The following USP22 variants were observed in gnomAD, a reference collection of about 807,000 sequenced individuals.
USP22 encodes ubiquitin specific peptidase 22.
Under a neutral mutation model 68.1 loss-of-function variants are expected in USP22, and 22 were observed. The observed-to-expected ratio is 0.32, with a 90% CI of 0.23 to 0.46. The LOEUF is 0.46. Among genes scored for constraint, USP22 ranks in the 20% least tolerant of loss-of-function variants. The probability of loss-of-function intolerance (pLI) is 1.00; values close to 1 mark genes in which losing one functional copy is unlikely to be tolerated. For missense variants in USP22, 433 were observed against 695.8 expected, an observed-to-expected ratio of 0.62 and a Z score of 4.25; for synonymous variants, 279 against 274.2, an observed-to-expected ratio of 1.02 and a Z score of -0.17.
chr17:21,028,812 C>G (rs1231863011), intron 1 of USP22, 138 bp from the exon 2 acceptor site: 2 of 1,120,340 alleles, frequency 1.8e-6, no homozygotes, highest in Non-Finnish European at 2.5e-6. Context: ...GCTTACTACT[C>G]TAGAGGATCA....
At chr17:21,038,984 C>A (rs1374204966) in intron 1 of USP22, among the ~76,000 whole-genome samples, 1 of 151,948 alleles carries the variant, frequency 6.6e-6, no homozygotes, top group Non-Finnish European at 1.5e-5. Context: ...GACGGTCTCG[C>A]TCTGTCGCCC....
chr17:21,033,841 C>T (rs994422980), intron 1 of USP22, among the ~76,000 whole-genome samples: 2 of 151,834 alleles, frequency 1.3e-5, no homozygotes, highest in Admixed American at 6.6e-5. Context: ...CTCCGCCTCC[C>T]GGGTTCAAGT....
intron 2 of USP22, among the ~76,000 whole-genome samples, chr17:21,027,950 A>G (rs1448783282): frequency 6.6e-6 from 1 of 152,200 alleles, no homozygotes; most frequent in Non-Finnish European, 1.5e-5. Context: ...CCTGGGTGAC[A>G]GCGCGAGACT....
chr17:21,028,663 A>G lies in USP22; in HGVS notation c.183T>C (p.Cys61=). 1 of 1,613,852 alleles carries G rather than the reference A, an allele frequency of 6.2e-7. No homozygotes were observed. The highest frequency in any genetic ancestry group is 8.5e-7 in the Non-Finnish European group (1 of 1,179,962). The change falls in exon 2 of 13, where the codon TGT becomes TGC. Residue 61 remains cysteine (C), a synonymous_variant. Coordinates refer to ENST00000261497, the MANE Select transcript of USP22 (RefSeq NM_015276.2). The part of the protein sequence containing the change: ...AEARKRKAKS[C]ICHVCGVHLN... ...GGTGGACGCCACAGACATGGCAGAT[A>G]CAGGACTTGGCCTGAAATTCAGAGA...
Position 21,042,863 on chromosome 17 carries a change from G to A in USP22, c.-28C>T, listed in dbSNP as rs1345009371. The A allele has an allele frequency of 1.6e-6, 2 of 1,239,368 alleles. No homozygotes were observed. Among genetic ancestry groups the A allele is most frequent in the East Asian group, 3.2e-5 (1 of 30,866 alleles). 76.8% of individuals were successfully genotyped at this position (1,239,368 alleles called of 1,614,324 possible). A position where few individuals can be genotyped will look rare whatever the true frequency, so the allele number is the denominator to read the frequency against. On this transcript the variant is annotated 5_prime_UTR_variant, in exon 1 of 13. Transcript: ENST00000261497. ...GGGGCAAGGCCCGGCCGCGCGCGGGGGGCGGCGGCGAGGGAGGCGAGGACG... is the reference window on the plus strand; with the variant it reads ...GGGGCAAGGCCCGGCCGCGCGCGGGAGGCGGCGGCGAGGGAGGCGAGGACG...
intron 6 of USP22, 137 bp downstream of exon 6, chr17:21,015,615 G>A (rs533708137): frequency 4.0e-6 from 5 of 1,247,214 alleles, no homozygotes; most frequent in South Asian, 1.6e-5. Flanking sequence ...AACAAATGAC[G>A]ACAAGGGCTA....
intron 8 of USP22, among the ~76,000 whole-genome samples, chr17:21,010,249 C>T (rs986539670): frequency 3.3e-5 from 5 of 152,222 alleles, no homozygotes; most frequent in African/African-American, 1.2e-4. Flanking sequence ...CTAAGGGATA[C>T]TTCCACTCAA....
intron 7 of USP22, 97 bp downstream of exon 7, chr17:21,012,733 A>G (rs1914009294): frequency 8.8e-7 from 1 of 1,139,532 alleles, no homozygotes; most frequent in Non-Finnish European, 1.3e-6. Context: ...TAGCCTCCTT[A>G]AAGACCTCTC....
At chr17:21,015,380 G>T (rs1393420256) in intron 6 of USP22, among the ~76,000 whole-genome samples, 1 of 152,180 alleles carries the variant, frequency 6.6e-6, no homozygotes, top group Non-Finnish European at 1.5e-5. Context: ...TGATTAAGTT[G>T]TGTTTGGGGG....
Position 21,011,165 on chromosome 17 carries a change from C to G in USP22, c.1089G>C (p.Thr363=), listed in dbSNP as rs559441248. 6.2e-7 allele frequency: 1 copy of G among 1,601,386 alleles called. No individual in the cohort carries two copies. Among genetic ancestry groups the G allele is most frequent in the African/African-American group, 1.3e-5 (1 of 74,804 alleles). Reference sequence around the variant, plus strand: ...AGGCCTCTCACCGTCGCAGGCAGTCCGTGAGCGTGGTGGTTCCCGACACGT... The same window carrying G: ...AGGCCTCTCACCGTCGCAGGCAGTCGGTGAGCGTGGTGGTTCCCGACACGT... The part of the protein sequence containing the change: ...ESHVSGTTTL[T]DCLRRFTRPE... Residue 363 remains threonine (T), a synonymous_variant, in exon 8 of 13, where the codon ACG becomes ACC. Coordinates refer to ENST00000261497, the MANE Select transcript of USP22 (RefSeq NM_015276.2).
chr17:21,004,361 G>A lies in USP22; in HGVS notation c.1386-10C>T, dbSNP rs750239775. On this transcript the variant is annotated splice_polypyrimidine_tract_variant and intron_variant, in intron 11 of 12. Coordinates refer to ENST00000261497, the MANE Select transcript of USP22 (RefSeq NM_015276.2). ...AGCAAACAGGGAATACCTAGTGCAG[G>A]AGCAAAGGAGAGGGAGGGCGCAGGT... The A allele has an allele frequency of 1.9e-6, 3 of 1,613,236 alleles. No homozygotes were observed. Among genetic ancestry groups the A allele is most frequent in the Non-Finnish European group, 2.5e-6 (3 of 1,179,282 alleles).
intron 1 of USP22, chr17:21,042,117 T>G (rs1225156696): frequency 6.6e-6 from 1 of 152,394 alleles, no homozygotes; most frequent in Non-Finnish European, 1.5e-5. Context: ...CGCCCAGAAC[T>G]CGACAGCCCC....
chr17:21,011,537 G>A (rs1365277408), intron 7 of USP22: 9 of 511,838 alleles, frequency 1.8e-5, no homozygotes, highest in African/African-American at 6.0e-5. Flanking sequence ...GGCGAGGGGC[G>A]CTCCTCAAGC....
At chr17:21,029,320 G>C (rs982846693) in intron 1 of USP22, among the ~76,000 whole-genome samples, 1 of 152,138 alleles carries the variant, frequency 6.6e-6, no homozygotes, top group South Asian at 2.1e-4. Flanking sequence ...TGCACAATTC[G>C]AGCACAGAAA....
rs142441294 is a variant in USP22 at position 21,011,536 on chromosome 17, C to T, written c.945-227G>A. On this transcript the variant is annotated intron_variant, in intron 7 of 12. Transcript: ENST00000261497. ...GTGTGTGAACTCGGAAGGCGAGGGGCGCTCCTCAAGCAAGGACTTCCCAGT... is the reference window on the plus strand; with the variant it reads ...GTGTGTGAACTCGGAAGGCGAGGGGTGCTCCTCAAGCAAGGACTTCCCAGT... 3.4e-3 allele frequency: 1,766 copies of T among 516,716 alleles called. 29 individuals are homozygous for T. The highest frequency in any genetic ancestry group is 0.032 in the African/African-American group (1,606 of 50,588). 32.0% of individuals were successfully genotyped at this position (516,716 alleles called of 1,614,324 possible). A position where few individuals can be genotyped will look rare whatever the true frequency, so the allele number is the denominator to read the frequency against.
chr17:21,000,851 TC>T lies in USP22; in HGVS notation c.*2179del. The T allele has an allele frequency of 6.6e-6, 1 of 152,176 alleles. No individual in the cohort carries two copies. Among genetic ancestry groups the T allele is most frequent in the Non-Finnish European group, 1.5e-5 (1 of 68,002 alleles). The allele number at this position is 152,176 out of a possible 1,614,324, so 9.4% of individuals were successfully genotyped here. A position where few individuals can be genotyped will look rare whatever the true frequency, so the allele number is the denominator to read the frequency against. ...GCTGAGGTGGGTGGATCGCCTGAGG[TC>T]AGGAGTTTGAGACATGGTGAAACCC... On this transcript the variant is annotated 3_prime_UTR_variant, in exon 13 of 13. Transcript: ENST00000261497.
intron 2 of USP22, among the ~76,000 whole-genome samples, chr17:21,027,113 C>G (rs1972230308): frequency 6.6e-6 from 1 of 151,330 alleles, no homozygotes; most frequent in Non-Finnish European, 1.5e-5. Flanking sequence ...TTTTTCAACA[C>G]AGGAAGTCAC....
intron 8 of USP22, 72 bp downstream of exon 8, chr17:21,011,079 G>A: frequency 1.3e-6 from 2 of 1,512,228 alleles, no homozygotes; most frequent in Non-Finnish European, 1.8e-6. Flanking sequence ...AAAGAGCCCT[G>A]CTTTGGTCCT....
In USP22 at chr17:21,019,072, C is replaced by A; in HGVS notation, c.520+12G>T. Reference sequence around the variant, plus strand: ...AGAAGCCTAGCTGAGAGTGACGACACGCTCCACCCACCTATGGTGCAGTTC... The same window carrying A: ...AGAAGCCTAGCTGAGAGTGACGACAAGCTCCACCCACCTATGGTGCAGTTC... On this transcript the variant is annotated intron_variant, in intron 4 of 12. Coordinates refer to ENST00000261497, the MANE Select transcript of USP22 (RefSeq NM_015276.2). 1 of 1,613,586 alleles carries A rather than the reference C, an allele frequency of 6.2e-7. No homozygotes were observed. Among genetic ancestry groups the A allele is most frequent in the South Asian group, 1.1e-5 (1 of 91,058 alleles).
Sources: gnomAD v4.1 joint callset for allele counts (sites outside exome capture counted in the v4.1 genomes callset) on GRCh38, gnomAD v4.1.1 for gene constraint, MANE v1.5 for transcripts, NCBI Gene and HGNC (gene_info 2026-07-23, HGNC 2026-07-21) for gene names.